The following PPP1R9A variants were observed in gnomAD, a reference collection of about 807,000 sequenced individuals.
PPP1R9A encodes the protein neurabin-1.
A neutral mutation model predicts 141.9 loss-of-function variants in PPP1R9A; 59 were observed. That is an observed-to-expected ratio of 0.42 (90% CI 0.34 to 0.52). The LOEUF (loss-of-function observed/expected upper bound fraction) is 0.52. PPP1R9A is among the 20% of genes least tolerant of loss of function. PPP1R9A has a pLI of 0.10. For missense variants in PPP1R9A, 1,444 were observed against 1,611.9 expected, an observed-to-expected ratio of 0.90 and a Z score of 1.78; for synonymous variants, 500 against 569.7, an observed-to-expected ratio of 0.88 and a Z score of 1.74.
chr7:95,258,404 A>G (rs1443444664), intron 12 of PPP1R9A, among the ~76,000 whole-genome samples: 1 of 152,100 alleles, frequency 6.6e-6, no homozygotes, highest in African/African-American at 2.4e-5. Flanking sequence ...TTCATTGTAG[A>G]TTCTGGATAT....
At chr7:94,977,496 A>G (rs1799583427) in intron 2 of PPP1R9A, among the ~76,000 whole-genome samples, 1 of 152,224 alleles carries the variant, frequency 6.6e-6, no homozygotes, top group Non-Finnish European at 1.5e-5. Flanking sequence ...GCAACATTGA[A>G]GACATTGGTA....
chr7:95,268,124 G>T (rs971326376), intron 12 of PPP1R9A, among the ~76,000 whole-genome samples: 1 of 152,092 alleles, frequency 6.6e-6, no homozygotes, highest in South Asian at 2.1e-4. Flanking sequence ...GTTACCTTCT[G>T]TTGCCTGTAG....
At chr7:95,055,338 T>G (rs1182689378) in intron 2 of PPP1R9A, among the ~76,000 whole-genome samples, 1 of 152,072 alleles carries the variant, frequency 6.6e-6, no homozygotes, top group East Asian at 1.9e-4. Context: ...GTACTGAAGT[T>G]TTCTGTTGAA....
At chr7:95,211,170 A>C (rs1158651861) in intron 7 of PPP1R9A, among the ~76,000 whole-genome samples, 2 of 152,030 alleles carry the variant, frequency 1.3e-5, no homozygotes, top group Non-Finnish European at 2.9e-5. Flanking sequence ...TAAAAATAAT[A>C]ATAAAAAGAA....
chr7:95,122,785 A>G (rs1187062256), intron 4 of PPP1R9A, among the ~76,000 whole-genome samples: 1 of 152,178 alleles, frequency 6.6e-6, no homozygotes. Context: ...TTGCCCCTTT[A>G]ATAAATTATA....
At chr7:95,232,486 A>C (rs1365867466) in intron 8 of PPP1R9A, among the ~76,000 whole-genome samples, 2 of 152,104 alleles carry the variant, frequency 1.3e-5, no homozygotes, top group African/African-American at 4.8e-5. Context: ...ACTAAAACAC[A>C]AAAAGCAATA....
intron 5 of PPP1R9A, among the ~76,000 whole-genome samples, chr7:95,183,785 A>G (rs1834232392): frequency 6.6e-6 from 1 of 151,962 alleles, no homozygotes; most frequent in Non-Finnish European, 1.5e-5. Flanking sequence ...TAGATAGGAA[A>G]TTCATTTCAA....
chr7:94,989,538 A>C (rs1801246778), intron 2 of PPP1R9A, among the ~76,000 whole-genome samples: 1 of 152,096 alleles, frequency 6.6e-6, no homozygotes, highest in Non-Finnish European at 1.5e-5. Flanking sequence ...AAGTCAATGA[A>C]AAGCTAGAAT....
At chr7:95,277,086 G>T (rs1803345952) in intron 16 of PPP1R9A, among the ~76,000 whole-genome samples, 1 of 152,114 alleles carries the variant, frequency 6.6e-6, no homozygotes, top group Non-Finnish European at 1.5e-5. Flanking sequence ...GAAAAAGGAG[G>T]GAAGGATCCT....
chr7:95,198,505 T>C, intron 6 of PPP1R9A, 21 bp downstream of exon 6: 2 of 1,522,426 alleles, frequency 1.3e-6, no homozygotes, highest in Non-Finnish European at 1.8e-6. Flanking sequence ...CTTGCAAAGA[T>C]TCTTTTTCCC....
chr7:94,986,602 C>G (rs961491854), intron 2 of PPP1R9A, among the ~76,000 whole-genome samples: 1 of 152,180 alleles, frequency 6.6e-6, no homozygotes, highest in Middle Eastern at 3.4e-3. Context: ...TTTCAAAAAG[C>G]TAGAAGATTT....
At chr7:94,982,526 A>G (rs1182921513) in intron 2 of PPP1R9A, among the ~76,000 whole-genome samples, 1 of 152,132 alleles carries the variant, frequency 6.6e-6, no homozygotes, top group Non-Finnish European at 1.5e-5. Context: ...TCTAACTGGC[A>G]TGAGATGGTA....
intron 4 of PPP1R9A, among the ~76,000 whole-genome samples, chr7:95,141,522 C>G (rs1275408529): frequency 2.0e-5 from 3 of 152,104 alleles, no homozygotes; most frequent in African/African-American, 7.2e-5. Context: ...CCTTTCCCCC[C>G]AGCTCTCCTC....
intron 4 of PPP1R9A, among the ~76,000 whole-genome samples, chr7:95,127,014 C>T (rs899919677): frequency 1.3e-5 from 2 of 152,178 alleles, no homozygotes; most frequent in African/African-American, 4.8e-5. Context: ...TCCTCTTCTC[C>T]TCATTTTTAG....
chr7:95,214,672 T>C (rs1356608502), intron 7 of PPP1R9A, among the ~76,000 whole-genome samples: 1 of 152,136 alleles, frequency 6.6e-6, no homozygotes, highest in African/African-American at 2.4e-5. Flanking sequence ...TTTTGGAGTC[T>C]GCCTCCTATA....
At chr7:95,008,851 C>CGTATG (rs1443536392) in intron 2 of PPP1R9A, among the ~76,000 whole-genome samples, 5 of 152,046 alleles carry the variant, frequency 3.3e-5, no homozygotes, top group African/African-American at 4.8e-5. Context: ...CACATGCACA[C>CGTATG]GTATGTTTAT....
At chr7:94,911,960 T>C (rs1791500163) in intron 2 of PPP1R9A, among the ~76,000 whole-genome samples, 2 of 152,200 alleles carry the variant, frequency 1.3e-5, no homozygotes, top group South Asian at 2.1e-4. Flanking sequence ...CGATTTACTT[T>C]CTTAAAAAAA....
rs75465872 is a variant in PPP1R9A, at chr7:95,289,871, T to C, written c.3913-220T>C. ...ACTCATTTGGAAAGCATTTAATTAA[T>C]GAGCTTTAGGGTATACTTTGCAAGG... On this transcript the variant is annotated intron_variant, in intron 19 of 19. Transcript: ENST00000433360. 2.5e-3 allele frequency among the ~76,000 whole-genome samples: 382 copies of C among 152,314 alleles called. 1 individual carries two copies. Among genetic ancestry groups the C allele is most frequent in the African/African-American group, 8.8e-3 (365 of 41,568 alleles).
chr7:95,136,769 A>C (rs1825737513), intron 4 of PPP1R9A, among the ~76,000 whole-genome samples: 1 of 152,260 alleles, frequency 6.6e-6, no homozygotes, highest in South Asian at 2.1e-4. Context: ...TCTTTTCCTA[A>C]AATGTCTTAA....
Sources: allele counts gnomAD v4.1 joint callset (sites outside exome capture counted in the v4.1 genomes callset), GRCh38; gene constraint gnomAD v4.1.1; transcripts MANE v1.5; gene names NCBI Gene and HGNC (gene_info 2026-07-23, HGNC 2026-07-21).